The following ANKRD26 variants were observed in gnomAD, a reference collection of about 807,000 sequenced individuals.
ANKRD26 encodes ankyrin repeat domain-containing protein 26.
In ANKRD26, 141 loss-of-function variants were observed where a neutral mutation model predicts 208.7. The ratio of observed to expected loss-of-function variants is 0.68; its 90% CI spans 0.59 to 0.78. The LOEUF is 0.78. Among genes scored for constraint, ANKRD26 ranks in the 30% least tolerant of loss-of-function variants. The pLI is 0.00. For synonymous variants in ANKRD26, 636 were observed against 660.4 expected (o/e 0.96, Z 0.57); for missense variants, 1,889 against 1,938.7 (o/e 0.97, Z 0.48).
At chr10:27,047,739 A>ATT (rs1564388490) in intron 17 of ANKRD26, among the ~76,000 whole-genome samples, 9 of 49,338 alleles carry the variant, frequency 1.8e-4, no homozygotes, top group African/African-American at 3.4e-4. Context: ...TAATAATAAT[A>ATT]ATTATTATTA....
intron 5 of ANKRD26, among the ~76,000 whole-genome samples, chr10:27,086,210 T>G (rs2056110093): frequency 6.6e-6 from 1 of 152,146 alleles, no homozygotes. Context: ...ATAACAAGTC[T>G]AGTTCATTAT....
At chr10:27,060,440 T>C (rs751977142) in intron 14 of ANKRD26, 23 bp from the exon 15 acceptor site, 3 of 1,589,240 alleles carry the variant, frequency 1.9e-6, no homozygotes, top group South Asian at 1.1e-5. Flanking sequence ...TGAAACAAAA[T>C]GATTAATAAA....
rs201912159 is a variant in ANKRD26, at chr10:27,100,271, C to A, written c.56G>T (p.Arg19Leu). The A allele has an allele frequency of 4.4e-5, 71 of 1,610,116 alleles. No homozygotes were observed. The African/African-American group carries it at 6.7e-4, about 15-fold the overall frequency. The part of the protein sequence containing the change: ...GESPLGSFAR[R>L]QRSSAGGGGE... ...CCCGCCTCCCGCGCTGCTCCTCTGC[C>A]GCCGCGCGAAGGAGCCCAAGGGCGA... Residue 19 changes from arginine to leucine, a missense_variant, in exon 1 of 34, where the codon CGG (arginine) becomes CTG (leucine). By Grantham distance (102) the Arg-to-Leu change is moderately radical (BLOSUM62 -2). Coordinates refer to ENST00000376087, the MANE Select transcript of ANKRD26 (RefSeq NM_014915.3).
chr10:26,971,022 T>G (rs1287662575), downstream of ANKRD26, among the ~76,000 whole-genome samples: 1 of 152,030 alleles, frequency 6.6e-6, no homozygotes, highest in Non-Finnish European at 1.5e-5. Flanking sequence ...CAGACTTGGG[T>G]GGAAAATGTA....
At chr10:27,003,438 G>A (rs936069915), downstream of ANKRD26, among the ~76,000 whole-genome samples, 9 of 152,188 alleles carry the variant, frequency 5.9e-5, no homozygotes, top group African/African-American at 2.2e-4. Flanking sequence ...ATTGATTCAA[G>A]CACAAATCAC....
chr10:26,947,708 T>C, the ANKRD26 span, among the ~76,000 whole-genome samples: 27 of 152,342 alleles, frequency 1.8e-4, no homozygotes, highest in Admixed American at 5.2e-4. Context: ...TTTGGAAAGA[T>C]TGCAAATCAT....
In ANKRD26 at chr10:27,093,405, T is replaced by C. The variant is rs201548038; in HGVS notation, c.475A>G (p.Ile159Val). The C allele has an allele frequency of 1.2e-6, 2 of 1,614,204 alleles. No homozygotes were observed. The highest frequency in any genetic ancestry group is 1.7e-5 in the Admixed American group (1 of 60,024). Residue 159 changes from isoleucine (I) to valine (V), a missense_variant, in exon 3 of 34, where the codon ATA becomes GTA. Transcript: ENST00000376087. ...AAAAGCAGCTTTGTTGCTACTGATA[T>C]GTCCTCATTATAGACAGCATAGTGA... is the stretch of plus-strand genomic sequence containing the variant. The part of the protein sequence containing the change: ...ALHYAVYNED[I>V]SVATKLLLYD...
intron 3 of ANKRD26, among the ~76,000 whole-genome samples, chr10:26,983,252 A>G (rs2052335419): frequency 6.6e-6 from 1 of 152,194 alleles, no homozygotes; most frequent in East Asian, 1.9e-4. Flanking sequence ...CTGAGTAATC[A>G]TACCATTGGA....
At chr10:27,047,284 T>C (rs531580375) in intron 17 of ANKRD26, among the ~76,000 whole-genome samples, 59 of 152,310 alleles carry the variant, frequency 3.9e-4, no homozygotes, top group African/African-American at 1.4e-3. Context: ...TTATATGCAG[T>C]TCCAAAATAG....
At chr10:27,023,526 C>T (rs1042445537) in intron 28 of ANKRD26, among the ~76,000 whole-genome samples, 5 of 150,712 alleles carry the variant, frequency 3.3e-5, no homozygotes, top group Middle Eastern at 3.5e-3. Context: ...ACATTTTTGA[C>T]GTCTGAGTTA....
At position 27,005,372 on chromosome 10, in the gene ANKRD26, C is replaced by T; in HGVS notation, c.*218G>A. ...GCTGTTTAAACAGCTCACATTTGGG[C>T]AGTTTGAGTATGTAAAACTCAATAT... On this transcript the variant is annotated 3_prime_UTR_variant, in exon 34 of 34. Transcript: ENST00000376087. 1.6e-6 allele frequency: 2 copies of T among 1,263,874 alleles called. No homozygotes were observed. The highest frequency in any genetic ancestry group is 1.0e-6 in the Non-Finnish European group (1 of 1,000,310). 78.3% of individuals were successfully genotyped at this position (1,263,874 alleles called of 1,614,324 possible).
downstream of ANKRD26, among the ~76,000 whole-genome samples, chr10:26,991,341 A>G (rs1246854953): frequency 6.6e-6 from 1 of 152,230 alleles, no homozygotes; most frequent in Non-Finnish European, 1.5e-5. Context: ...GCCAAAATTA[A>G]GGATGTGTGC....
intron 32 of ANKRD26, among the ~76,000 whole-genome samples, chr10:27,011,592 A>G (rs2053113968): frequency 1.3e-5 from 2 of 152,168 alleles, no homozygotes; most frequent in African/African-American, 4.8e-5. Flanking sequence ...AAGTCGTACT[A>G]TGAGTGAAAT....
chr10:27,035,603 T>C lies in ANKRD26; in HGVS notation c.2847A>G (p.Val949=), dbSNP rs746558038. The change falls in exon 24 of 34, where the codon GTA becomes GTG. Residue 949 remains valine, a synonymous_variant. Coordinates refer to ENST00000376087, the MANE Select transcript of ANKRD26 (RefSeq NM_014915.3). ...EKKCFEDLKI[V]KEKNEDLQKT... is the part of the protein sequence containing the mutation. The stretch of plus-strand genomic sequence containing the variant: ...TCTGAAGGTCTTCATTCTTTTCTTT[T>C]ACAATTTTAAGGTCCTCAAAACATT... 1 of 1,605,814 alleles carries C rather than the reference T, an allele frequency of 6.2e-7. No homozygotes were observed. The highest frequency in any genetic ancestry group is 1.3e-5 in the African/African-American group (1 of 74,364).
chr10:27,043,717 C>A, intron 19 of ANKRD26, 150 bp from the exon 20 acceptor site: 1 of 720,726 alleles, frequency 1.4e-6, no homozygotes. Context: ...TTATCAACAG[C>A]TAGTGCTTCT....
At chr10:26,975,474 A>G (rs10829150) in exon 6 of ANKRD26, among the ~76,000 whole-genome samples, 123,851 of 146,514 alleles carry the variant, frequency 0.85, 52,633 homozygotes, top group African/African-American at 0.95. Context: ...CAGTCCTCTC[A>G]TCTCAGCCTT....
At chr10:26,988,327 G>C (rs140569111), downstream of ANKRD26, among the ~76,000 whole-genome samples, 649 of 152,244 alleles carry the variant, frequency 4.3e-3, 1 homozygote, top group Non-Finnish European at 7.5e-3. Flanking sequence ...CTTGGGGTGA[G>C]CACAGCTGAA....
downstream of ANKRD26, among the ~76,000 whole-genome samples, chr10:26,987,816 G>A (rs2052415838): frequency 6.6e-6 from 1 of 152,158 alleles, no homozygotes; most frequent in South Asian, 2.1e-4. Context: ...TACATAAATG[G>A]TAAGGGAAGA....
At chr10:27,054,254 C>T (rs2135394819) in intron 15 of ANKRD26, among the ~76,000 whole-genome samples, 1 of 152,210 alleles carries the variant, frequency 6.6e-6, no homozygotes, top group South Asian at 2.1e-4. Context: ...TAATTATTTA[C>T]TGAGTTCCTG....
Sources: gnomAD v4.1 joint callset for allele counts (sites outside exome capture counted in the v4.1 genomes callset) on GRCh38, gnomAD v4.1.1 for gene constraint, MANE v1.5 for transcripts, NCBI Gene and HGNC (gene_info 2026-07-23, HGNC 2026-07-21) for gene names.